The following ASAP1 variants were observed in gnomAD, a reference collection of about 807,000 sequenced individuals.
ASAP1 encodes arf-GAP with SH3 domain, ANK repeat and PH domain-containing protein 1.
In ASAP1, 43 loss-of-function variants were observed where a neutral mutation model predicts 145.2. That is an observed-to-expected ratio of 0.30 (90% CI 0.23 to 0.38). The LOEUF (loss-of-function observed/expected upper bound fraction) is 0.38. Among genes scored for constraint, ASAP1 ranks in the 10% least tolerant of loss-of-function variants. The pLI, the probability that ASAP1 is intolerant of heterozygous loss-of-function variation, is 1.00. For missense variants in ASAP1, 1,018 were observed against 1,355.3 expected (o/e 0.75, Z 3.91); for synonymous variants, 546 against 515.5 (o/e 1.06, Z -0.80).
At chr8:130,264,716 T>C (rs972837770) in intron 3 of ASAP1, among the ~76,000 whole-genome samples, 2 of 152,160 alleles carry the variant, frequency 1.3e-5, no homozygotes, top group Non-Finnish European at 2.9e-5. Context: ...CCCATGAATA[T>C]GAACATGAGA....
chr8:130,278,582 T>C lies in ASAP1; in HGVS notation c.187-41588A>G, dbSNP rs1156421084. On this transcript the variant is annotated intron_variant, in intron 3 of 29. Transcript: ENST00000518721. ...CATGCAAATAAGCCTTTCTCTTTTT[T>C]TCCTTGATGCATCATCAAGTTTTGC... 3.3e-5 allele frequency among the ~76,000 whole-genome samples: 5 copies of C among 152,344 alleles called. No homozygotes were observed. In the East Asian group the frequency reaches 9.6e-4, roughly 29 times the overall value.
In ASAP1 at chr8:130,358,104, C is replaced by A; in HGVS notation, c.99G>T (p.Glu33Asp). ...TGGGCGAGTTGTAGTCCTCGGTGGT[C>A]TCGGCGATGAACTCCGAGACAGAGA... ...DQISVSEFIAETTEDYNSPTT... is the reference protein window; with the variant it reads ...DQISVSEFIADTTEDYNSPTT... The change falls in exon 3 of 30, where the codon GAG becomes GAT. Residue 33 changes from glutamate to aspartate, a missense_variant. Glu to Asp is a conservative substitution (Grantham distance 45, BLOSUM62 2). Transcript: ENST00000518721. The surrounding 1 kb of genome is among the most constrained non-coding windows in gnomAD (Gnocchi z 4.1). The A allele has an allele frequency of 6.2e-7, 1 of 1,609,846 alleles. No individual in the cohort carries two copies. Among genetic ancestry groups the A allele is most frequent in the African/African-American group, 1.3e-5 (1 of 74,960 alleles).
intron 18 of ASAP1, among the ~76,000 whole-genome samples, chr8:130,123,053 G>A (rs1277356326): frequency 6.6e-6 from 1 of 152,172 alleles, no homozygotes; most frequent in Non-Finnish European, 1.5e-5. Context: ...AGCCTTTTCA[G>A]TGTAATTTGT....
chr8:130,157,951 T>C (rs1019022376), intron 12 of ASAP1, among the ~76,000 whole-genome samples: 12 of 152,174 alleles, frequency 7.9e-5, no homozygotes, highest in Non-Finnish European at 1.3e-4. Context: ...GTCAGCTCTA[T>C]CAGGGCCAGA....
chr8:130,308,928 G>A (rs1310162829), intron 3 of ASAP1, among the ~76,000 whole-genome samples: 1 of 152,136 alleles, frequency 6.6e-6, no homozygotes, highest in Non-Finnish European at 1.5e-5. Context: ...TCAAAAAAAA[G>A]AATGACAATG....
At chr8:130,057,933 T>C (rs754678941) in intron 29 of ASAP1, 21 bp downstream of exon 29, 23 of 1,612,634 alleles carry the variant, frequency 1.4e-5, no homozygotes, top group Non-Finnish European at 2.0e-5. Context: ...ACGGATGAAG[T>C]GGATGGATAT....
chr8:130,309,754 C>T (rs531303248), intron 3 of ASAP1, among the ~76,000 whole-genome samples: 9 of 152,304 alleles, frequency 5.9e-5, no homozygotes, highest in African/African-American at 2.2e-4. Context: ...GAGATTGGCT[C>T]TAAAGGAAGA....
intron 1 of ASAP1, among the ~76,000 whole-genome samples, chr8:130,403,625 T>C (rs1478774019): frequency 4.7e-5 from 7 of 149,178 alleles, no homozygotes; most frequent in Non-Finnish European, 1.0e-4. Flanking sequence ...CGATCTTGGC[T>C]CATTGCAACC....
chr8:130,159,911 C>T lies in ASAP1; in HGVS notation c.963G>A (p.Lys321=). 6.2e-7 allele frequency: 1 copy of T among 1,614,128 alleles called. No individual in the cohort carries two copies. Among genetic ancestry groups the T allele is most frequent in the Non-Finnish European group, 8.5e-7 (1 of 1,180,036 alleles). Residue 321 remains lysine (K), a synonymous_variant, in exon 12 of 30, where the codon AAG becomes AAA. Transcript: ENST00000518721. ...ACCCCTTCTTTTCACTGCCATATTC[C>T]TTATTGCCCTGGAGCTGATGCATGC... is the stretch of plus-strand genomic sequence containing the variant. The part of the protein sequence containing the change: ...GYSMHQLQGN[K]EYGSEKKGYL...
chr8:130,179,415 G>A, intron 8 of ASAP1, 66 bp from the exon 9 acceptor site: 1 of 998,060 alleles, frequency 1.0e-6, no homozygotes, highest in Non-Finnish European at 1.6e-6. Flanking sequence ...CATGGGTTCA[G>A]GTGGCTGAAC....
chr8:130,164,044 A>G (rs570575770), intron 11 of ASAP1, among the ~76,000 whole-genome samples: 1 of 152,322 alleles, frequency 6.6e-6, no homozygotes, highest in South Asian at 2.1e-4. Flanking sequence ...TAAAATTTCT[A>G]ATGCAAGGTA....
rs1586656597 is a variant in ASAP1, at chr8:130,237,086, C to T, written c.187-92G>A. On this transcript the variant is annotated intron_variant, in intron 3 of 29. Transcript: ENST00000518721. ...TTCATTTGTAATTGCATTTGTTTTCCTGAGTACCAAAGCAACAGCAAACTG... is the reference window on the plus strand; with the variant it reads ...TTCATTTGTAATTGCATTTGTTTTCTTGAGTACCAAAGCAACAGCAAACTG... 6.2e-6 allele frequency: 6 copies of T among 969,920 alleles called. No individual in the cohort carries two copies. In the East Asian group the frequency reaches 1.6e-4, roughly 26 times the overall value. 60.1% of individuals were successfully genotyped at this position (969,920 alleles called of 1,614,324 possible).
chr8:130,100,295 T>C (rs946383925), intron 24 of ASAP1, among the ~76,000 whole-genome samples: 3 of 152,144 alleles, frequency 2.0e-5, no homozygotes, highest in African/African-American at 7.2e-5. Flanking sequence ...ATATACTTAT[T>C]AGCCATTTAT....
intron 13 of ASAP1, among the ~76,000 whole-genome samples, chr8:130,141,641 AG>A (rs1305198875): frequency 6.6e-6 from 1 of 152,144 alleles, no homozygotes; most frequent in African/African-American, 2.4e-5. Flanking sequence ...TTGACCTCCC[AG>A]GCGAAGTGAT....
At chr8:130,377,005 A>G (rs2138348966) in intron 2 of ASAP1, among the ~76,000 whole-genome samples, 1 of 152,240 alleles carries the variant, frequency 6.6e-6, no homozygotes, top group South Asian at 2.1e-4. Context: ...ACCACAGAAA[A>G]GAATCAGATC....
intron 9 of ASAP1, among the ~76,000 whole-genome samples, chr8:130,174,091 CAAAAAAAAAAAAAA>C (rs57123447): frequency 3.2e-5 from 2 of 62,756 alleles, no homozygotes; most frequent in South Asian, 8.3e-4. Context: ...ACTCCGTCTC[CAAAAAAAAAAAAAA>C]AAAAAAAAAA....
intron 3 of ASAP1, among the ~76,000 whole-genome samples, chr8:130,311,633 T>C (rs946703921): frequency 1.3e-5 from 2 of 152,090 alleles, no homozygotes; most frequent in Non-Finnish European, 2.9e-5. Flanking sequence ...TGGTGGCACA[T>C]GCCTGTAATC....
intron 3 of ASAP1, among the ~76,000 whole-genome samples, chr8:130,315,345 T>A (rs1453251399): frequency 6.6e-6 from 1 of 152,124 alleles, no homozygotes; most frequent in Non-Finnish European, 1.5e-5. Context: ...GATCATGCCC[T>A]GTCAGGGATG....
intron 3 of ASAP1, among the ~76,000 whole-genome samples, chr8:130,284,305 A>C (rs16904236): frequency 0.1 from 15,715 of 152,222 alleles, 949 homozygotes; most frequent in South Asian, 0.27. Context: ...CTGGACAAAC[A>C]ACCATTCTAG....
Sources: gnomAD v4.1 joint callset for allele counts (sites outside exome capture counted in the v4.1 genomes callset) on GRCh38, gnomAD v4.1.1 for gene constraint, Gnocchi (gnomAD v3.1) non-coding constraint, MANE v1.5 for transcripts, NCBI Gene and HGNC (gene_info 2026-07-23, HGNC 2026-07-21) for gene names.